Variants in DAG1 observed in about 807,000 individuals in gnomAD.
DAG1 encodes dystroglycan 1 (dystrophin-associated glycoprotein 1).
Under a neutral mutation model 46.1 loss-of-function variants are expected in DAG1, and 8 were observed. The ratio of observed to expected loss-of-function variants is 0.17; its 90% CI spans 0.10 to 0.31. DAG1 has a LOEUF of 0.31. DAG1 is among the 10% of genes least tolerant of loss of function. The pLI, the probability that DAG1 is intolerant of heterozygous loss-of-function variation, is 1.00. For missense variants in DAG1, 1,003 were observed against 1,189.9 expected (o/e 0.84, Z 2.31); for synonymous variants, 495 against 481.8 (o/e 1.03, Z -0.36).
At position 49,506,034 on chromosome 3, in the gene DAG1, C is replaced by G. The variant is rs1389695655; in HGVS notation, c.-116-4385C>G. Among the ~76,000 whole-genome samples the G allele has an allele frequency of 2.7e-5, 4 of 147,416 alleles. No homozygotes were observed. The East Asian group carries it at 6.0e-4, about 22-fold the overall frequency. On this transcript the variant is annotated intron_variant, in intron 1 of 2. Transcript: ENST00000308775. ...CACTCCTGTTGCCCAGGCTGGAGTGCAGTGGCTTGATCTCGGCTCACTACA... is the reference window on the plus strand; with the variant it reads ...CACTCCTGTTGCCCAGGCTGGAGTGGAGTGGCTTGATCTCGGCTCACTACA...
Position 49,531,384 on chromosome 3 carries a change from C to G in DAG1, c.873C>G (p.Gly291=). 1 of 1,614,162 alleles carries G rather than the reference C, an allele frequency of 6.2e-7. No individual in the cohort carries two copies. The highest frequency in any genetic ancestry group is 2.2e-5 in the East Asian group (1 of 44,880). ...AGGGCGCAATGTCTGCTCAGCTTGG[C>G]TACCCTGTGGTGGGTTGGCACATCG... The part of the protein sequence containing the change: ...AREGAMSAQL[G]YPVVGWHIAN... Residue 291 remains glycine, a synonymous_variant, in exon 3 of 3, where the codon GGC becomes GGG. Coordinates refer to ENST00000308775, the MANE Select transcript of DAG1 (RefSeq NM_004393.6). The surrounding 1 kb of genome is among the most constrained non-coding windows in gnomAD (Gnocchi z 7.0).
At chr3:49,510,103 C>A in intron 1 of DAG1, 1 of 329,460 alleles carries the variant, frequency 3.0e-6, no homozygotes, top group East Asian at 5.3e-5. Context: ...TTGAATGTAT[C>A]TGACTGTATT....
chr3:49,508,640 T>A (rs2050677437), intron 1 of DAG1, among the ~76,000 whole-genome samples: 2 of 151,814 alleles, frequency 1.3e-5, no homozygotes, highest in Non-Finnish European at 2.9e-5. Context: ...CGTCAGGTGA[T>A]CTGCCTGCCT....
chr3:49,533,158 A>G lies in DAG1; in HGVS notation c.2647A>G (p.Met883Val), dbSNP rs754908618. The G allele has an allele frequency of 1.7e-5, 27 of 1,613,904 alleles. No individual in the cohort carries two copies. The highest frequency in any genetic ancestry group is 2.2e-5 in the Non-Finnish European group (26 of 1,180,030). Residue 883 changes from methionine to valine, a missense_variant, in exon 3 of 3, where the codon ATG (methionine) becomes GTG (valine). Around this residue, in one of 3 missense-constraint regions of DAG1, gnomAD observed 755 missense variants for 854.1 expected, o/e 0.88. Coordinates refer to ENST00000308775, the MANE Select transcript of DAG1 (RefSeq NM_004393.6). ...MEGKGSRPKN[M>V]TPYRSPPPYV... ...GGGCAAGGGCTCCCGTCCCAAGAAC[A>G]TGACCCCATACCGGTCACCTCCTCC...
At chr3:49,506,015 T>A (rs1218702163) in intron 1 of DAG1, among the ~76,000 whole-genome samples, 2 of 148,380 alleles carry the variant, frequency 1.3e-5, no homozygotes, top group East Asian at 4.0e-4. Context: ...GTTTCACTCC[T>A]GTTGCCCAGG....
intron 1 of DAG1, chr3:49,492,628 C>CA (rs2050218556): frequency 6.6e-6 from 1 of 152,158 alleles, no homozygotes; most frequent in Non-Finnish European, 1.5e-5. Context: ...GCCCAGGTAA[C>CA]AGAGTGAGAC....
chr3:49,521,179 T>G (rs949094374), intron 2 of DAG1, among the ~76,000 whole-genome samples: 11 of 152,166 alleles, frequency 7.2e-5, no homozygotes, highest in African/African-American at 2.4e-4. Context: ...TGTTGTTGTT[T>G]TTTGAGACAG....
chr3:49,486,307 C>G (rs963689182), intron 1 of DAG1, among the ~76,000 whole-genome samples: 1 of 151,982 alleles, frequency 6.6e-6, no homozygotes, highest in Non-Finnish European at 1.5e-5. Context: ...CAAGCTCCGC[C>G]TCCCAGGTTC....
rs1285110434 is a variant in DAG1, at chr3:49,535,091, C to T, written c.*1892C>T. ...GGGGGTACTCTGGAGTGAGCAGTGC[C>T]CCTGTGGGGGAGCCTGTAAATGCGG... On this transcript the variant is annotated 3_prime_UTR_variant, in exon 3 of 3. Transcript: ENST00000308775. 6.6e-6 allele frequency: 1 copy of T among 152,198 alleles called. No homozygotes were observed. The highest frequency in any genetic ancestry group is 2.4e-5 in the African/African-American group (1 of 41,444). 9.4% of individuals were successfully genotyped at this position (152,198 alleles called of 1,614,324 possible).
At chr3:49,490,880 CTTTT>C (rs972440561) in intron 1 of DAG1, among the ~76,000 whole-genome samples, 2 of 87,852 alleles carry the variant, frequency 2.3e-5, no homozygotes, top group African/African-American at 4.7e-5. Flanking sequence ...CTCCTAAATT[CTTTT>C]TTTTTTTTTT....
At chr3:49,469,889 G>C (rs183225398), upstream of DAG1, among the ~76,000 whole-genome samples, 1 of 152,342 alleles carries the variant, frequency 6.6e-6, no homozygotes, top group Admixed American at 6.5e-5. Context: ...ATTAGTCTTA[G>C]AGGCCCAAAG....
At chr3:49,509,474 G>A (rs2050704376) in intron 1 of DAG1, among the ~76,000 whole-genome samples, 1 of 152,090 alleles carries the variant, frequency 6.6e-6, no homozygotes, top group Non-Finnish European at 1.5e-5. Context: ...TCTCTAAATC[G>A]AGAACAGTCA....
intron 1 of DAG1, among the ~76,000 whole-genome samples, chr3:49,495,217 G>A (rs1016262595): frequency 5.9e-5 from 9 of 152,166 alleles, no homozygotes; most frequent in African/African-American, 2.2e-4. Flanking sequence ...GGGGGAGTTT[G>A]GGGAAGTCAG....
At chr3:49,497,731 G>A (rs1215909003) in intron 1 of DAG1, among the ~76,000 whole-genome samples, 1 of 152,334 alleles carries the variant, frequency 6.6e-6, no homozygotes, top group African/African-American at 2.4e-5. Context: ...GTTTAACGCA[G>A]TGTATGGACT....
At chr3:49,489,638 CAT>C (rs1333815088) in intron 1 of DAG1, among the ~76,000 whole-genome samples, 1 of 152,154 alleles carries the variant, frequency 6.6e-6, no homozygotes, top group Admixed American at 6.6e-5. Context: ...CTTAAGAAAA[CAT>C]AGCTCAATGT....
Position 49,531,375 on chromosome 3 carries a change from T to C in DAG1, c.864T>C (p.Ala288=). Residue 288 remains alanine (A), a synonymous_variant, in exon 3 of 3, where the codon GCT becomes GCC. Coordinates refer to ENST00000308775, the MANE Select transcript of DAG1 (RefSeq NM_004393.6). This position sits in a 1 kb window ranked among gnomAD's most constrained non-coding sequence, Gnocchi z 7.0. ...EAPAREGAMS[A]QLGYPVVGWH... is the part of the protein sequence containing the mutation. ...CTGCCAGGGAGGGCGCAATGTCTGC[T>C]CAGCTTGGCTACCCTGTGGTGGGTT... 1 of 1,614,170 alleles carries C rather than the reference T, an allele frequency of 6.2e-7. No individual in the cohort carries two copies. Among genetic ancestry groups the C allele is most frequent in the Non-Finnish European group, 8.5e-7 (1 of 1,180,016 alleles).
At position 49,534,814 on chromosome 3, in the gene DAG1, A is replaced by G. The variant is rs1026158921; in HGVS notation, c.*1615A>G. 6.6e-6 allele frequency: 1 copy of G among 152,638 alleles called. No homozygotes were observed. Among genetic ancestry groups the G allele is most frequent in the Non-Finnish European group, 1.5e-5 (1 of 68,076 alleles). 9.5% of individuals were successfully genotyped at this position (152,638 alleles called of 1,614,324 possible). A position where few individuals can be genotyped will look rare whatever the true frequency, so the allele number is the denominator to read the frequency against. ...GCGTTATTTTGGGTACTTTTTAGGG[A>G]GGAATGCCTTTCGCAATAATGTATC... On this transcript the variant is annotated 3_prime_UTR_variant, in exon 3 of 3. Coordinates refer to ENST00000308775, the MANE Select transcript of DAG1 (RefSeq NM_004393.6).
intron 1 of DAG1, among the ~76,000 whole-genome samples, chr3:49,506,917 A>G (rs1386572402): frequency 3.9e-5 from 6 of 151,976 alleles, no homozygotes; most frequent in African/African-American, 1.4e-4. Flanking sequence ...GTTCAAATCT[A>G]GCTTGGGCAA....
chr3:49,499,344 A>C (rs1383597734), intron 1 of DAG1, among the ~76,000 whole-genome samples: 2 of 152,092 alleles, frequency 1.3e-5, no homozygotes, highest in East Asian at 3.9e-4. Context: ...GTGAGCTATA[A>C]TTGTTTCTGT....
Sources: allele counts gnomAD v4.1 joint callset (sites outside exome capture counted in the v4.1 genomes callset), GRCh38; gene constraint gnomAD v4.1.1; regional missense constraint gnomAD v4.1.1; non-coding constraint Gnocchi (gnomAD v3.1); transcripts MANE v1.5; gene names NCBI Gene and HGNC (gene_info 2026-07-23, HGNC 2026-07-21).